Variants in ADGRL2 observed in about 807,000 individuals in gnomAD.
ADGRL2 encodes the protein adhesion G protein-coupled receptor L2.
In ADGRL2, 44 loss-of-function variants were observed where a neutral mutation model predicts 157.4. That is an observed-to-expected ratio of 0.28 (90% CI 0.22 to 0.36). The LOEUF is 0.36. Among genes scored for constraint, ADGRL2 ranks in the 10% least tolerant of loss-of-function variants. ADGRL2 has a pLI of 1.00. For missense variants in ADGRL2, 1,510 were observed against 1,768.9 expected, an observed-to-expected ratio of 0.85 and a Z score of 2.63; for synonymous variants, 585 against 624.7, an observed-to-expected ratio of 0.94 and a Z score of 0.95.
chr1:81,372,072 A>T (rs1176817170), intron 1 of ADGRL2, among the ~76,000 whole-genome samples: 1 of 152,194 alleles, frequency 6.6e-6, no homozygotes, highest in Non-Finnish European at 1.5e-5. Context: ...GATCTTAGAT[A>T]TCACATGTCA....
Position 81,656,631 on chromosome 1 carries a change from G to A in ADGRL2, c.-143+75651G>A, listed in dbSNP as rs149480833. Among the ~76,000 whole-genome samples the A allele has an allele frequency of 4.9e-3, 750 of 152,166 alleles. 8 individuals are homozygous for A. Among genetic ancestry groups the A allele is most frequent in the African/African-American group, 0.017 (716 of 41,516 alleles). ...CTACATTTTCCCAAAAAAACTCTAG[G>A]TATCTTAACCTGTGAATTTTCTTCA... On this transcript the variant is annotated intron_variant, in intron 3 of 24. Coordinates refer to the ADGRL2 transcript ENST00000370721.
chr1:81,822,065 A>T (rs1048926514), intron 1 of ADGRL2, among the ~76,000 whole-genome samples: 1 of 138,332 alleles, frequency 7.2e-6, no homozygotes, highest in African/African-American at 2.7e-5. Context: ...CTGAAGTTTA[A>T]TTCCCAGTGT....
chr1:81,502,201 A>C, intron 2 of ADGRL2: 2 of 1,597,956 alleles, frequency 1.3e-6, no homozygotes, highest in Non-Finnish European at 8.5e-7. Context: ...TGTCCAATCT[A>C]CTTCCAGCAC....
chr1:81,967,908 CTT>C, intron 13 of ADGRL2, 116 bp from the exon 14 acceptor site: 1 of 840,474 alleles, frequency 1.2e-6, no homozygotes, highest in Non-Finnish European at 1.9e-6. Context: ...TGATGAAAAA[CTT>C]TATAGTCTGA....
intron 1 of ADGRL2, among the ~76,000 whole-genome samples, chr1:81,355,730 C>A (rs1056455971): frequency 6.6e-6 from 1 of 152,158 alleles, no homozygotes; most frequent in Non-Finnish European, 1.5e-5. Flanking sequence ...CCTGGGCCTG[C>A]AGCTTCTGAA....
intron 2 of ADGRL2, among the ~76,000 whole-genome samples, chr1:81,900,751 A>T (rs1572006230): frequency 6.6e-6 from 1 of 152,188 alleles, no homozygotes; most frequent in East Asian, 1.9e-4. Flanking sequence ...TCTGACTTGT[A>T]AACTACTTGA....
chr1:81,516,641 C>G (rs1199931441), intron 2 of ADGRL2, among the ~76,000 whole-genome samples: 1 of 152,200 alleles, frequency 6.6e-6, no homozygotes, highest in Non-Finnish European at 1.5e-5. Flanking sequence ...GGGCCAACTT[C>G]TATTCGGGAA....
intron 3 of ADGRL2, among the ~76,000 whole-genome samples, chr1:81,648,305 G>A (rs1315362386): frequency 6.6e-6 from 1 of 152,136 alleles, no homozygotes; most frequent in Non-Finnish European, 1.5e-5. Flanking sequence ...TCAATTTATA[G>A]ATTGGAAATT....
chr1:81,333,408 TTA>T (rs1661408373), intron 1 of ADGRL2, among the ~76,000 whole-genome samples: 6 of 142,350 alleles, frequency 4.2e-5, no homozygotes, highest in East Asian at 2.0e-4. Context: ...AATTAATTAA[TTA>T]ATTTATTTAT....
intron 1 of ADGRL2, among the ~76,000 whole-genome samples, chr1:81,754,888 C>G (rs150769091): frequency 6.6e-6 from 1 of 151,652 alleles, no homozygotes; most frequent in Non-Finnish European, 1.5e-5. Flanking sequence ...AATGAGACAA[C>G]GCATGTTAAT....
At chr1:81,558,584 A>G (rs542652508) in intron 2 of ADGRL2, among the ~76,000 whole-genome samples, 1 of 152,230 alleles carries the variant, frequency 6.6e-6, no homozygotes, top group East Asian at 1.9e-4. Context: ...GCAACCTTTC[A>G]GCTCCAGATA....
chr1:81,508,923 A>G (rs1409549779), intron 2 of ADGRL2, among the ~76,000 whole-genome samples: 3 of 152,206 alleles, frequency 2.0e-5, no homozygotes, highest in Non-Finnish European at 2.9e-5. Context: ...TCCCCAGCCC[A>G]TGTGACCTTC....
At position 81,969,191 on chromosome 1, in the gene ADGRL2, T is replaced by C. The variant is rs1479119215; in HGVS notation, c.2537T>C (p.Val846Ala). ...AHREIAYKDG[V>A]HELLLTVITW... ...TTTTATTTTCAGTATAAAGATGGCG[T>C]TCATGAATTACTTCTTACAGTCATC... The change falls in exon 15 of 24, where the codon GTT becomes GCT. Residue 846 changes from valine to alanine, a missense_variant. Val to Ala is a moderately conservative substitution (Grantham distance 64). This residue lies in a region of ADGRL2 where 497 missense variants were observed against 627.2 expected (regional missense o/e 0.79). Coordinates refer to ENST00000686636, the MANE Select transcript of ADGRL2 (RefSeq NM_001366006.2). 6.2e-7 allele frequency: 1 copy of C among 1,612,892 alleles called. No individual in the cohort carries two copies. Among genetic ancestry groups the C allele is most frequent in the Non-Finnish European group, 8.5e-7 (1 of 1,179,072 alleles).
Position 81,354,796 on chromosome 1 carries a change from C to A in ADGRL2, c.-302+48287C>A, listed in dbSNP as rs573763392. Among the ~76,000 whole-genome samples the A allele has an allele frequency of 2.2e-4, 34 of 152,334 alleles. 1 individual carries two copies. Among genetic ancestry groups the A allele is most frequent in the Admixed American group, 3.9e-4 (6 of 15,296 alleles). On this transcript the variant is annotated intron_variant, in intron 1 of 24. Transcript: ENST00000370721. ...CAGAAATATATGCCTGTATTCCTCG[C>A]TGTCAACTAGTCCCATGCCTTTTAC...
intron 2 of ADGRL2, among the ~76,000 whole-genome samples, chr1:81,567,171 T>G (rs551921878): frequency 6.6e-6 from 1 of 152,268 alleles, no homozygotes; most frequent in African/African-American, 2.4e-5. Flanking sequence ...GCTGTTCTTT[T>G]TGAAGATCTA....
At chr1:81,338,770 G>C (rs1254384143) in intron 1 of ADGRL2, among the ~76,000 whole-genome samples, 4 of 152,088 alleles carry the variant, frequency 2.6e-5, no homozygotes, top group Non-Finnish European at 4.4e-5. Context: ...AATGCCACTG[G>C]AGTAATTCCA....
intron 2 of ADGRL2, among the ~76,000 whole-genome samples, chr1:81,474,162 A>G (rs191770761): frequency 3.9e-5 from 6 of 152,354 alleles, no homozygotes; most frequent in Non-Finnish European, 5.9e-5. Flanking sequence ...TTTGGATAGA[A>G]TGGGATTTTG....
chr1:81,985,593 T>A (rs1376587508), intron 21 of ADGRL2, among the ~76,000 whole-genome samples: 1 of 151,988 alleles, frequency 6.6e-6, no homozygotes, highest in Non-Finnish European at 1.5e-5. Context: ...TTAATAAAAT[T>A]AGAATAGTTA....
At chr1:81,449,471 C>T (rs937114039) in intron 2 of ADGRL2, among the ~76,000 whole-genome samples, 14 of 152,184 alleles carry the variant, frequency 9.2e-5, no homozygotes, top group Admixed American at 6.5e-4. Flanking sequence ...CCAAAATCCC[C>T]GGTGTAGCCA....
Sources: allele counts gnomAD v4.1 joint callset (sites outside exome capture counted in the v4.1 genomes callset), GRCh38; gene constraint gnomAD v4.1.1; regional missense constraint gnomAD v4.1.1; transcripts MANE v1.5; gene names NCBI Gene and HGNC (gene_info 2026-07-23, HGNC 2026-07-21).